Variants in PSIP1 observed in about 807,000 individuals in gnomAD.
PSIP1 encodes the protein PC4 and SFRS1-interacting protein.
PSIP1 carries 19 observed loss-of-function variants against 74.7 expected under a neutral mutation model. That is an observed-to-expected ratio of 0.25 (90% CI 0.18 to 0.37). The LOEUF is 0.37. PSIP1 is among the 10% of genes least tolerant of loss of function. The pLI is 1.00. For missense variants in PSIP1, 601 were observed against 614.3 expected (o/e 0.98, Z 0.23); for synonymous variants, 222 against 195.3 (o/e 1.14, Z -1.14).
chr9:15,508,794 T>C (rs1347918172), intron 2 of PSIP1, among the ~76,000 whole-genome samples: 1 of 152,204 alleles, frequency 6.6e-6, no homozygotes, highest in Non-Finnish European at 1.5e-5. Context: ...TTTAAGGTTG[T>C]TGCCCTCGGT....
intron 3 of PSIP1, chr9:15,505,904 A>T (rs1398706964): frequency 6.6e-6 from 1 of 152,224 alleles, no homozygotes; most frequent in African/African-American, 2.4e-5. Context: ...TATGACAGAC[A>T]CCAAACTTCA....
intron 8 of PSIP1, among the ~76,000 whole-genome samples, chr9:15,474,513 G>A (rs1344119818): frequency 1.3e-5 from 2 of 152,262 alleles, no homozygotes; most frequent in East Asian, 1.9e-4. Flanking sequence ...GGGACAAATG[G>A]AATTGCGGAA....
intron 3 of PSIP1, among the ~76,000 whole-genome samples, chr9:15,496,121 A>G (rs1383675366): frequency 6.6e-6 from 1 of 152,214 alleles, no homozygotes; most frequent in Non-Finnish European, 1.5e-5. Context: ...GTGACATTAT[A>G]TGCACCTGTC....
intron 1 of PSIP1, among the ~76,000 whole-genome samples, chr9:15,510,596 T>C (rs974514447): frequency 2.0e-5 from 3 of 151,736 alleles, no homozygotes; most frequent in African/African-American, 7.3e-5. Flanking sequence ...CCACCGAGCT[T>C]AAGCCCCAAA....
chr9:15,469,920 GA>G lies in PSIP1; in HGVS notation c.1033+17del, dbSNP rs1272828461. On this transcript the variant is annotated intron_variant, in intron 11 of 15. Coordinates refer to ENST00000380733, the MANE Select transcript of PSIP1 (RefSeq NM_033222.5). The stretch of plus-strand genomic sequence containing the variant: ...TCCATGTATAATTTTATGTATCTTA[GA>G]AAGTGAAATAACTAACCTCGCTTCT... 6.3e-7 allele frequency: 1 copy of G among 1,592,020 alleles called. No individual in the cohort carries two copies. Among genetic ancestry groups the G allele is most frequent in the African/African-American group, 1.4e-5 (1 of 73,718 alleles).
intron 3 of PSIP1, among the ~76,000 whole-genome samples, chr9:15,493,628 C>A (rs995292311): frequency 2.6e-5 from 4 of 152,198 alleles, no homozygotes; most frequent in Non-Finnish European, 4.4e-5. Context: ...TTAATTGACT[C>A]AAAGTTCCGC....
At chr9:15,491,727 T>C (rs763580854) in intron 3 of PSIP1, among the ~76,000 whole-genome samples, 5 of 152,214 alleles carry the variant, frequency 3.3e-5, no homozygotes, top group Non-Finnish European at 5.9e-5. Context: ...ATTCTCACGC[T>C]GCTATGAAGA....
At chr9:15,474,259 T>C (rs756889744) in intron 8 of PSIP1, 22 bp from the exon 9 acceptor site, 2 of 1,550,918 alleles carry the variant, frequency 1.3e-6, no homozygotes, top group African/African-American at 1.4e-5. Flanking sequence ...AACATAACAA[T>C]GTATACTTGT....
At chr9:15,496,893 T>A (rs2037099836) in intron 3 of PSIP1, among the ~76,000 whole-genome samples, 1 of 152,144 alleles carries the variant, frequency 6.6e-6, no homozygotes, top group African/African-American at 2.4e-5. Flanking sequence ...TCACTCCCAC[T>A]CAGACGGCCA....
intron 13 of PSIP1, 27 bp downstream of exon 13, chr9:15,468,930 G>A (rs2035735582): frequency 1.2e-6 from 2 of 1,605,344 alleles, no homozygotes; most frequent in Admixed American, 1.7e-5. Context: ...AAAATTCAAA[G>A]AATCCACATG....
chr9:15,467,296 A>G lies in PSIP1; in HGVS notation c.1421-437T>C, dbSNP rs375637853. Among the ~76,000 whole-genome samples, 8 of 152,316 alleles carry G rather than the reference A, an allele frequency of 5.3e-5. No homozygotes were observed. The East Asian group carries it at 9.6e-4, about 18-fold the overall frequency. ...GTGCTAAAGGAGTATTTCCTAATTG[A>G]TATTTTTGTGCCTAATAAAGGGGGT... On this transcript the variant is annotated intron_variant, in intron 14 of 15. Transcript: ENST00000380733.
intron 2 of PSIP1, among the ~76,000 whole-genome samples, chr9:15,509,664 T>A (rs74802299): frequency 0.018 from 2,709 of 152,350 alleles, 47 homozygotes; most frequent in East Asian, 0.096. Context: ...GGTATTTTTT[T>A]TAAAACCCTG....
intron 8 of PSIP1, among the ~76,000 whole-genome samples, chr9:15,475,171 T>A (rs929356250): frequency 6.6e-6 from 1 of 152,172 alleles, no homozygotes; most frequent in Non-Finnish European, 1.5e-5. Context: ...TTAGAAACTT[T>A]TTATTATATA....
chr9:15,478,860 C>T (rs1012183940), intron 7 of PSIP1, among the ~76,000 whole-genome samples: 3 of 151,958 alleles, frequency 2.0e-5, no homozygotes, highest in African/African-American at 7.2e-5. Flanking sequence ...GAATAGGAAA[C>T]AGCACTTATA....
intron 6 of PSIP1, among the ~76,000 whole-genome samples, chr9:15,481,054 C>A (rs1213189858): frequency 6.6e-6 from 1 of 152,104 alleles, no homozygotes; most frequent in Non-Finnish European, 1.5e-5. Flanking sequence ...ATTATTAAAA[C>A]TCATCTAAGG....
intron 10 of PSIP1, chr9:15,472,345 A>C: frequency 8.4e-7 from 1 of 1,184,054 alleles, no homozygotes; most frequent in Non-Finnish European, 1.0e-6. Context: ...CAAATGGTTG[A>C]GGATGAGTAC....
chr9:15,508,408 C>T (rs1481513225), intron 2 of PSIP1, among the ~76,000 whole-genome samples: 1 of 152,268 alleles, frequency 6.6e-6, no homozygotes, highest in South Asian at 2.1e-4. Flanking sequence ...CCCTTCCAAT[C>T]CAAATGAACT....
chr9:15,471,827 G>T, intron 10 of PSIP1: 1 of 958,700 alleles, frequency 1.0e-6, no homozygotes, highest in Non-Finnish European at 1.2e-6. Flanking sequence ...TTGTCTTATT[G>T]ACCTAGAGCA....
In PSIP1 at chr9:15,489,979, G is replaced by T; in HGVS notation, c.288+7C>A. ...AGTAATATCAAATTTTATGTAATAT[G>T]ACTTACCTGTTGACTTGAAAATTTC... On this transcript the variant is annotated splice_region_variant and intron_variant, in intron 4 of 15. Transcript: ENST00000380733. The T allele has an allele frequency of 1.3e-6, 2 of 1,554,932 alleles. No individual in the cohort carries two copies. Among genetic ancestry groups the T allele is most frequent in the South Asian group, 2.4e-5 (2 of 82,848 alleles).
Sources: allele counts gnomAD v4.1 joint callset (sites outside exome capture counted in the v4.1 genomes callset), GRCh38; gene constraint gnomAD v4.1.1; transcripts MANE v1.5; gene names NCBI Gene and HGNC (gene_info 2026-07-23, HGNC 2026-07-21).